SDC2: variants seen among roughly 807,000 people sequenced by gnomAD.
SDC2 encodes the protein syndecan-2.
SDC2 carries 13 observed loss-of-function variants against 22.2 expected under a neutral mutation model. That is an observed-to-expected ratio of 0.59 (90% CI 0.38 to 0.93). SDC2 has a LOEUF of 0.93. SDC2 is among the 40% of genes least tolerant of loss of function. The pLI is 0.00. For synonymous variants in SDC2, 94 were observed against 92.8 expected (o/e 1.01, Z -0.07); for missense variants, 235 against 246.8 (o/e 0.95, Z 0.32).
intron 1 of SDC2, among the ~76,000 whole-genome samples, chr8:96,564,447 A>G (rs1814264225): frequency 1.3e-5 from 2 of 152,324 alleles, no homozygotes; most frequent in Non-Finnish European, 2.9e-5. Flanking sequence ...TTTTTACCGC[A>G]TAGATTTTTC....
chr8:96,593,249 C>A (rs2130633230), intron 1 of SDC2, among the ~76,000 whole-genome samples: 1 of 152,122 alleles, frequency 6.6e-6, no homozygotes, highest in African/African-American at 2.4e-5. Context: ...TGTTTTCATT[C>A]TACTGGTTTA....
intron 1 of SDC2, among the ~76,000 whole-genome samples, chr8:96,532,708 A>G (rs779893577): frequency 4.1e-4 from 63 of 152,144 alleles, no homozygotes; most frequent in Non-Finnish European, 7.9e-4. Flanking sequence ...CTGTGAACTC[A>G]GACAGGCTGA....
chr8:96,597,631 A>G (rs1158839262), intron 2 of SDC2, among the ~76,000 whole-genome samples: 1 of 152,262 alleles, frequency 6.6e-6, no homozygotes, highest in Non-Finnish European at 1.5e-5. Context: ...AGAAAAGCAG[A>G]TGCTCGAACA....
At chr8:96,524,692 T>TG (rs1291456421) in intron 1 of SDC2, among the ~76,000 whole-genome samples, 1 of 152,228 alleles carries the variant, frequency 6.6e-6, no homozygotes, top group Non-Finnish European at 1.5e-5. Context: ...GGAAAGCTTA[T>TG]TATCAACATG....
Position 96,555,604 on chromosome 8 carries a change from G to A in SDC2, c.61-37876G>A, listed in dbSNP as rs565857089. Among the ~76,000 whole-genome samples, 3 of 152,246 alleles carry A rather than the reference G, an allele frequency of 2.0e-5. No individual in the cohort carries two copies. In the East Asian group the frequency reaches 5.8e-4, roughly 29 times the overall value. On this transcript the variant is annotated intron_variant, in intron 1 of 4. Coordinates refer to ENST00000302190, the MANE Select transcript of SDC2 (RefSeq NM_002998.4). ...ACATATGCACACATATTAAACATAA[G>A]CTATGTCATCTGTAGAATTTAATAA...
At chr8:96,574,962 G>A (rs1404612317) in intron 1 of SDC2, among the ~76,000 whole-genome samples, 3 of 152,078 alleles carry the variant, frequency 2.0e-5, no homozygotes, top group African/African-American at 4.8e-5. Flanking sequence ...CACAAGGAGC[G>A]TGCAACCTAG....
chr8:96,520,506 A>G (rs1225269039), intron 1 of SDC2, among the ~76,000 whole-genome samples: 1 of 152,170 alleles, frequency 6.6e-6, no homozygotes, highest in African/African-American at 2.4e-5. Context: ...CTCTCCTCAC[A>G]TTCCCAAGCT....
intron 1 of SDC2, among the ~76,000 whole-genome samples, chr8:96,523,967 G>A (rs577829398): frequency 5.9e-5 from 9 of 152,286 alleles, no homozygotes; most frequent in African/African-American, 2.2e-4. Flanking sequence ...TGTTGTTTTA[G>A]GCTTCTTTCA....
intron 1 of SDC2, among the ~76,000 whole-genome samples, chr8:96,583,280 A>G (rs560957071): frequency 7.6e-6 from 1 of 131,374 alleles, no homozygotes; most frequent in Admixed American, 7.6e-5. Flanking sequence ...TTTATATATA[A>G]TATATATATG....
rs1214932376 is a variant in SDC2 at position 96,508,903 on chromosome 8, C to T, written c.60+14572C>T. On this transcript the variant is annotated intron_variant, in intron 1 of 4. Coordinates refer to ENST00000302190, the MANE Select transcript of SDC2 (RefSeq NM_002998.4). ...ATCATGAAGTGTCTAATGGTTGCAG[C>T]CTCAAATCATGAAGTATCTAATGGA... is the stretch of plus-strand genomic sequence containing the variant. 1.4e-5 allele frequency among the ~76,000 whole-genome samples: 2 copies of T among 142,328 alleles called. 1 individual carries two copies. 93.4% of individuals were successfully genotyped at this position (142,328 alleles called of 152,430 possible). A position where few individuals can be genotyped will look rare whatever the true frequency, so the allele number is the denominator to read the frequency against.
intron 2 of SDC2, among the ~76,000 whole-genome samples, chr8:96,597,548 A>G (rs1178092455): frequency 9.9e-5 from 15 of 152,256 alleles, no homozygotes; most frequent in Admixed American, 9.8e-4. Context: ...GAGAAAGAGA[A>G]ACCCCCAAAT....
chr8:96,546,771 A>G (rs1266060072), intron 1 of SDC2, among the ~76,000 whole-genome samples: 3 of 152,210 alleles, frequency 2.0e-5, no homozygotes, highest in South Asian at 2.1e-4. Context: ...AAACAGGACC[A>G]TGTGTGAATG....
At chr8:96,601,640 CAAAAA>C (rs749025894) in intron 2 of SDC2, among the ~76,000 whole-genome samples, 4 of 66,688 alleles carry the variant, frequency 6.0e-5, no homozygotes, top group East Asian at 3.8e-4. Flanking sequence ...ACTCCATCTC[CAAAAA>C]AAAAAAAAAA....
intron 1 of SDC2, among the ~76,000 whole-genome samples, chr8:96,526,896 C>T (rs1228768544): frequency 1.3e-5 from 2 of 152,066 alleles, no homozygotes; most frequent in Non-Finnish European, 2.9e-5. Context: ...CGGAGGCTGG[C>T]CACTGGTTTG....
At chr8:96,595,248 C>T (rs554027254) in intron 2 of SDC2, among the ~76,000 whole-genome samples, 1 of 152,252 alleles carries the variant, frequency 6.6e-6, no homozygotes, top group East Asian at 1.9e-4. Flanking sequence ...TGACCCAGAA[C>T]AGATTAAAAT....
rs560539738 is a variant in SDC2, at chr8:96,527,134, G to A, written c.60+32803G>A. ...CCATAGTAGGTGCTTAGTAAATACT[G>A]CACTCCACAGGGGGAAGAGGGCAGG... On this transcript the variant is annotated intron_variant, in intron 1 of 4. Transcript: ENST00000302190. Among the ~76,000 whole-genome samples, 9 of 152,288 alleles carry A rather than the reference G, an allele frequency of 5.9e-5. No individual in the cohort carries two copies. The South Asian group carries it at 6.2e-4, about 11-fold the overall frequency.
At chr8:96,513,829 G>C (rs1035896274) in intron 1 of SDC2, among the ~76,000 whole-genome samples, 1 of 152,172 alleles carries the variant, frequency 6.6e-6, no homozygotes, top group Non-Finnish European at 1.5e-5. Context: ...ACTTAAGCAG[G>C]AGGCAGGACC....
intron 3 of SDC2, among the ~76,000 whole-genome samples, chr8:96,606,279 G>A (rs1815078067): frequency 6.7e-6 from 1 of 149,650 alleles, no homozygotes; most frequent in Admixed American, 6.7e-5. Context: ...AAATTTTTTT[G>A]TAGAGACAAG....
chr8:96,600,345 G>A (rs1208514441), intron 2 of SDC2, among the ~76,000 whole-genome samples: 1 of 152,220 alleles, frequency 6.6e-6, no homozygotes, highest in Non-Finnish European at 1.5e-5. Context: ...GTTTGTTTGA[G>A]TTGTTACAAA....
Sources: allele counts gnomAD v4.1 joint callset (sites outside exome capture counted in the v4.1 genomes callset), GRCh38; gene constraint gnomAD v4.1.1; transcripts MANE v1.5; gene names NCBI Gene and HGNC (gene_info 2026-07-23, HGNC 2026-07-21).